PLEKHA7: variants seen among roughly 807,000 people sequenced by gnomAD.
PLEKHA7 encodes the protein pleckstrin homology domain-containing family A member 7.
Under a neutral mutation model 170.0 loss-of-function variants are expected in PLEKHA7, and 104 were observed. The ratio of observed to expected loss-of-function variants is 0.61; its 90% confidence interval spans 0.52 to 0.72. The LOEUF (loss-of-function observed/expected upper bound fraction) is 0.72, where lower values mean the gene tolerates loss of function less well. Ranked by LOEUF, PLEKHA7 falls within the 30% of genes least tolerant of loss-of-function variation. PLEKHA7 has a pLI of 0.00. For missense variants in PLEKHA7, 1,615 were observed against 1,671.7 expected (o/e 0.97, Z 0.59); for synonymous variants, 648 against 660.8 (o/e 0.98, Z 0.30).
intron 3 of PLEKHA7, among the ~76,000 whole-genome samples, chr11:16,969,819 G>A (rs1302494075): frequency 1.3e-5 from 2 of 152,190 alleles, no homozygotes; most frequent in Non-Finnish European, 2.9e-5. Context: ...GATTACACTG[G>A]GAGTTCCCAG....
At chr11:16,813,196 A>T in intron 12 of PLEKHA7, 30 bp from the exon 13 acceptor site, 1 of 1,589,398 alleles carries the variant, frequency 6.3e-7, no homozygotes, top group East Asian at 2.2e-5. Context: ...GAAAAAACAC[A>T]GTTATGAACA....
chr11:16,888,407 G>A (rs1287350687), intron 3 of PLEKHA7, among the ~76,000 whole-genome samples: 2 of 152,312 alleles, frequency 1.3e-5, no homozygotes, highest in Non-Finnish European at 2.9e-5. Flanking sequence ...TAGACGGGGG[G>A]GAAATGTGGG....
chr11:16,949,754 A>G (rs1034671550), intron 3 of PLEKHA7, among the ~76,000 whole-genome samples: 3 of 152,134 alleles, frequency 2.0e-5, no homozygotes. Context: ...TAAATCACCA[A>G]TGTAAACCAA....
intron 4 of PLEKHA7, among the ~76,000 whole-genome samples, chr11:16,860,736 A>T (rs1198229377): frequency 1.3e-5 from 2 of 152,184 alleles, no homozygotes. Context: ...AAGGTCTGAG[A>T]GAAGCAGGCT....
intron 3 of PLEKHA7, among the ~76,000 whole-genome samples, chr11:16,885,769 G>A (rs995645848): frequency 2.6e-5 from 4 of 151,842 alleles, no homozygotes; most frequent in Non-Finnish European, 4.4e-5. Context: ...CGAGGCGGGC[G>A]GATCACTTGA....
In PLEKHA7 at chr11:16,959,137, G is replaced by A. The variant is rs183062254; in HGVS notation, c.221+54852C>T. On this transcript the variant is annotated intron_variant, in intron 3 of 26. Coordinates refer to ENST00000531066, the MANE Select transcript of PLEKHA7 (RefSeq NM_001329630.2). The stretch of plus-strand genomic sequence containing the variant: ...GTACATGTGAAGGTGTGTTACATAC[G>A]TAAACACATGTCACATGGGTTTGTC... Among the ~76,000 whole-genome samples the A allele has an allele frequency of 1.2e-3, 178 of 152,264 alleles. 3 individuals are homozygous for A. In the East Asian group the frequency reaches 0.02, roughly 17 times the overall value.
intron 3 of PLEKHA7, among the ~76,000 whole-genome samples, chr11:16,902,126 T>C: frequency 6.6e-6 from 1 of 152,242 alleles, no homozygotes; most frequent in East Asian, 1.9e-4. Context: ...TCATTTAGCA[T>C]AATGTTTACA....
intron 13 of PLEKHA7, among the ~76,000 whole-genome samples, chr11:16,803,705 G>T (rs1848758516): frequency 6.6e-6 from 1 of 152,116 alleles, no homozygotes; most frequent in Non-Finnish European, 1.5e-5. Flanking sequence ...CCCTGCCCAG[G>T]GTGGTGAGAT....
chr11:16,808,667 A>G (rs1182144951), intron 13 of PLEKHA7, among the ~76,000 whole-genome samples: 2 of 152,152 alleles, frequency 1.3e-5, no homozygotes, highest in Non-Finnish European at 2.9e-5. Flanking sequence ...AACCTTTTCT[A>G]TCTACAAAGG....
intron 3 of PLEKHA7, among the ~76,000 whole-genome samples, chr11:16,990,677 T>G (rs554150676): frequency 6.6e-6 from 1 of 152,356 alleles, no homozygotes; most frequent in South Asian, 2.1e-4. Flanking sequence ...GAAATGTGCC[T>G]GATGCCAGGT....
Position 16,964,018 on chromosome 11 carries a change from T to C in PLEKHA7, c.221+49971A>G, listed in dbSNP as rs74693986. ...TAGAAACCTCTAATCTACTTTCTGT[T>C]TCTATGTATTTGGCTATTCTAGGTA... On this transcript the variant is annotated intron_variant, in intron 3 of 26. Transcript: ENST00000531066. 9.0e-3 allele frequency among the ~76,000 whole-genome samples: 1,371 copies of C among 152,328 alleles called. 24 individuals are homozygous for C. Among genetic ancestry groups the C allele is most frequent in the African/African-American group, 0.031 (1,282 of 41,580 alleles).
intron 10 of PLEKHA7, among the ~76,000 whole-genome samples, chr11:16,824,633 T>C (rs1850492650): frequency 6.6e-6 from 1 of 152,254 alleles, no homozygotes; most frequent in Non-Finnish European, 1.5e-5. Context: ...CAAATTGGTT[T>C]ATTCATCCTA....
At chr11:16,898,335 G>T (rs1360557841) in intron 3 of PLEKHA7, among the ~76,000 whole-genome samples, 1 of 152,104 alleles carries the variant, frequency 6.6e-6, no homozygotes, top group Non-Finnish European at 1.5e-5. Context: ...AATTCAAAAG[G>T]TCTGGTATAT....
At chr11:16,794,851 C>A (rs1327513449) in intron 18 of PLEKHA7, 59 bp downstream of exon 18, 8 of 1,504,558 alleles carry the variant, frequency 5.3e-6, no homozygotes, top group Middle Eastern at 1.7e-4. Context: ...CAGCCTTCCA[C>A]CCTCCCACCA....
intron 3 of PLEKHA7, among the ~76,000 whole-genome samples, chr11:16,945,010 C>T (rs1299819539): frequency 2.6e-5 from 4 of 152,178 alleles, no homozygotes; most frequent in Non-Finnish European, 1.5e-5. Flanking sequence ...CATCTCTACT[C>T]ACTGCAACTT....
intron 3 of PLEKHA7, among the ~76,000 whole-genome samples, chr11:16,983,727 T>A (rs1267710495): frequency 6.6e-6 from 1 of 152,196 alleles, no homozygotes; most frequent in East Asian, 1.9e-4. Flanking sequence ...AGTCACCTTC[T>A]CCCTGCTCAT....
intron 3 of PLEKHA7, among the ~76,000 whole-genome samples, chr11:16,938,275 G>T (rs904243711): frequency 6.6e-6 from 1 of 152,036 alleles, no homozygotes; most frequent in African/African-American, 2.4e-5. Context: ...CTAGAAGCAG[G>T]GAAAGACACG....
intron 12 of PLEKHA7, 145 bp downstream of exon 12, chr11:16,816,033 G>A (rs1387183362): frequency 1.5e-6 from 1 of 677,610 alleles, no homozygotes; most frequent in Non-Finnish European, 2.6e-6. Context: ...CCCTAAGCAA[G>A]TCATTCAACT....
intron 3 of PLEKHA7, among the ~76,000 whole-genome samples, chr11:16,916,161 C>G (rs1234639074): frequency 6.6e-6 from 1 of 152,200 alleles, no homozygotes; most frequent in Non-Finnish European, 1.5e-5. Flanking sequence ...TAAAGGTCTT[C>G]TTTTGAGAAG....
Sources: allele counts gnomAD v4.1 joint callset (sites outside exome capture counted in the v4.1 genomes callset), GRCh38; gene constraint gnomAD v4.1.1; transcripts MANE v1.5; gene names NCBI Gene and HGNC (gene_info 2026-07-23, HGNC 2026-07-21).